The following SNAP47 variants were observed in gnomAD, a reference collection of about 807,000 sequenced individuals.
SNAP47 encodes the protein synaptosome associated protein 47, also known as synaptosomal-associated protein 47.
In SNAP47, 20 loss-of-function variants were observed where a neutral mutation model predicts 31.4. That is an observed-to-expected ratio of 0.64 (90% CI 0.45 to 0.93). SNAP47 has a LOEUF of 0.93. Among genes scored for constraint, SNAP47 ranks in the 40% least tolerant of loss-of-function variants. SNAP47 has a pLI of 0.00. For synonymous variants in SNAP47, 194 were observed against 213.4 expected, an observed-to-expected ratio of 0.91 and a Z score of 0.79; for missense variants, 492 against 528.5, an observed-to-expected ratio of 0.93 and a Z score of 0.68.
chr1:227,730,492 A>G (rs1364382421), upstream of SNAP47: 1 of 151,426 alleles, frequency 6.6e-6, no homozygotes, highest in African/African-American at 2.4e-5. Flanking sequence ...CTATGGAGTC[A>G]TCGATGCCGG....
intron 2 of SNAP47, among the ~76,000 whole-genome samples, chr1:227,756,555 CCTT>C (rs1662707487): frequency 2.6e-5 from 4 of 152,356 alleles, no homozygotes; most frequent in African/African-American, 9.6e-5. Context: ...TCCTGCCTGT[CCTT>C]CTGCCTGCTC....
intron 4 of SNAP47, chr1:227,768,157 C>T: frequency 4.4e-6 from 2 of 458,388 alleles, no homozygotes; most frequent in Non-Finnish European, 5.7e-6. Flanking sequence ...AGTGCTCCCA[C>T]CTTCTGAGCC....
chr1:227,748,443 T>C (rs1431338875), intron 2 of SNAP47, among the ~76,000 whole-genome samples: 1 of 152,268 alleles, frequency 6.6e-6, no homozygotes, highest in Non-Finnish European at 1.5e-5. Context: ...CGGTACACTC[T>C]GCTGGAAACA....
chr1:227,751,551 G>A (rs1243181269), intron 2 of SNAP47, among the ~76,000 whole-genome samples: 1 of 152,138 alleles, frequency 6.6e-6, no homozygotes, highest in Non-Finnish European at 1.5e-5. Flanking sequence ...AGACCACCTG[G>A]CCTTTGCCCA....
chr1:227,731,475 G>C (rs533075054), upstream of SNAP47: 9 of 152,416 alleles, frequency 5.9e-5, no homozygotes, highest in African/African-American at 1.7e-4. Flanking sequence ...TCTCGGTCAA[G>C]GACAGGGCTG....
At chr1:227,728,709 G>A (rs1469693406) in exon 1 of SNAP47, 1 of 152,040 alleles carries the variant, frequency 6.6e-6, no homozygotes, top group African/African-American at 2.4e-5. Flanking sequence ...AGCAAGGGCA[G>A]TGAGGACCTG....
At position 227,776,563 on chromosome 1, in the gene SNAP47, G is replaced by A. The variant is rs573450648; in HGVS notation, c.1114-3964G>A. ...AATGGCTAGATGGCTTGTCACCCCA[G>A]GCCGCAGAGGAACAACTGTTTCTAG... On this transcript the variant is annotated intron_variant, in intron 4 of 4. Transcript: ENST00000617596. The A allele has an allele frequency of 9.1e-6, 9 of 985,466 alleles. No individual in the cohort carries two copies. In the East Asian group the frequency reaches 4.5e-4, roughly 50 times the overall value. The allele number at this position is 985,466 out of a possible 1,614,324, so 61.0% of individuals were successfully genotyped here.
At chr1:227,747,515 C>T (rs939923845) in intron 1 of SNAP47, among the ~76,000 whole-genome samples, 177 bp from the exon 2 acceptor site, 1 of 152,166 alleles carries the variant, frequency 6.6e-6, no homozygotes, top group Non-Finnish European at 1.5e-5. Context: ...GCTGCTCTTC[C>T]TTCACCTGCT....
At position 227,762,481 on chromosome 1, in the gene SNAP47, C is replaced by A. The variant is rs940377699; in HGVS notation, c.988+2996C>A. ...CATGCGTAGGCACAGGGACTCTGTG[C>A]CAGCTTCCCTGTGTTTACTGCTCTC... On this transcript the variant is annotated intron_variant, in intron 3 of 4. Coordinates refer to ENST00000617596, the MANE Select transcript of SNAP47 (RefSeq NM_053052.4). This position sits in a 1 kb window ranked among gnomAD's most constrained non-coding sequence, Gnocchi z 4.2. 2.6e-5 allele frequency among the ~76,000 whole-genome samples: 4 copies of A among 152,204 alleles called. No individual in the cohort carries two copies. The highest frequency in any genetic ancestry group is 5.9e-5 in the Non-Finnish European group (4 of 68,026).
upstream of SNAP47, among the ~76,000 whole-genome samples, chr1:227,730,263 C>T (rs182579950): frequency 3.3e-5 from 5 of 152,238 alleles, no homozygotes; most frequent in East Asian, 1.9e-4. Flanking sequence ...ATTCCCTTTG[C>T]GAAGGCCCTC....
chr1:227,735,155 G>A, upstream of SNAP47: 17 of 1,581,570 alleles, frequency 1.1e-5, no homozygotes, highest in Admixed American at 1.8e-5. Flanking sequence ...GTCGGCGTAG[G>A]AGAAGGCGCC....
intron 3 of SNAP47, among the ~76,000 whole-genome samples, chr1:227,766,701 A>G (rs900686244): frequency 1.3e-5 from 2 of 152,246 alleles, no homozygotes; most frequent in African/African-American, 2.4e-5. Flanking sequence ...CAAAAATAAA[A>G]TAAAATAAAA....
At chr1:227,777,963 G>A (rs997334350) in intron 4 of SNAP47, among the ~76,000 whole-genome samples, 1 of 152,220 alleles carries the variant, frequency 6.6e-6, no homozygotes, top group Non-Finnish European at 1.5e-5. Flanking sequence ...AATGTGCCAC[G>A]TTCTTAGAAC....
chr1:227,733,521 G>A (rs1287059117), upstream of SNAP47: 3 of 1,602,460 alleles, frequency 1.9e-6, no homozygotes, highest in Non-Finnish European at 2.6e-6. Context: ...GGGTGCAGGT[G>A]TGTGTCGCAG....
At position 227,771,469 on chromosome 1, in the gene SNAP47, C is replaced by T. The variant is rs112271019; in HGVS notation, c.1113+4386C>T. Among the ~76,000 whole-genome samples the T allele has an allele frequency of 4.6e-3, 705 of 152,132 alleles. 5 individuals carry two copies. The highest frequency in any genetic ancestry group is 7.5e-3 in the Non-Finnish European group (511 of 67,984). ...ACAGCAGGAGGCCATGTCCCAGGGG[C>T]GCCCTGGACCAGGTGTGGGGGCCCT... On this transcript the variant is annotated intron_variant, in intron 4 of 4. Coordinates refer to ENST00000617596, the MANE Select transcript of SNAP47 (RefSeq NM_053052.4).
chr1:227,749,644 G>T (rs145631551), intron 2 of SNAP47, among the ~76,000 whole-genome samples: 156 of 152,260 alleles, frequency 1.0e-3, no homozygotes, highest in African/African-American at 3.7e-3. Flanking sequence ...CACTATATTT[G>T]TCTGTTTCCT....
intron 3 of SNAP47, 56 bp from the exon 4 acceptor site, chr1:227,766,903 C>T (rs1663443310): frequency 9.3e-6 from 15 of 1,605,642 alleles, no homozygotes; most frequent in South Asian, 8.8e-5. Flanking sequence ...CCAGAGCACA[C>T]GAGGGTTGTT....
intron 3 of SNAP47, among the ~76,000 whole-genome samples, chr1:227,766,692 A>AAAAAT: frequency 6.6e-6 from 1 of 152,332 alleles, no homozygotes; most frequent in Admixed American, 6.5e-5. Context: ...AGCCTTTCTC[A>AAAAAT]AAAATAAAAT....
Position 227,780,657 on chromosome 1 carries a change from T to G in SNAP47, c.1244T>G (p.Met415Arg), listed in dbSNP as rs752441588. The G allele has an allele frequency of 2.5e-6, 4 of 1,614,016 alleles. No homozygotes were observed. The African/African-American group carries it at 5.3e-5, about 22-fold the overall frequency. Residue 415 changes from methionine (M) to arginine (R), a missense_variant, in exon 5 of 5, where the codon ATG becomes AGG. By Grantham distance (91) the Met-to-Arg change is moderately conservative. Coordinates refer to ENST00000617596, the MANE Select transcript of SNAP47 (RefSeq NM_053052.4). Reference sequence around the variant, plus strand: ...ACCATCGACAAGCACAACAGGCGGATGAAGAGGCTGACCTAGGGGCAGAAC... The same window carrying G: ...ACCATCGACAAGCACAACAGGCGGAGGAAGAGGCTGACCTAGGGGCAGAAC... ...TLTIDKHNRR[M>R]KRLT
Sources: gnomAD v4.1 joint callset for allele counts (sites outside exome capture counted in the v4.1 genomes callset) on GRCh38, gnomAD v4.1.1 for gene constraint, Gnocchi (gnomAD v3.1) non-coding constraint, MANE v1.5 for transcripts, NCBI Gene and HGNC (gene_info 2026-07-23, HGNC 2026-07-21) for gene names.